The following BTBD7 variants were observed in gnomAD, a reference collection of about 807,000 sequenced individuals.
BTBD7 encodes the protein BTB/POZ domain-containing protein 7.
A neutral mutation model predicts 99.9 loss-of-function variants in BTBD7; 38 were observed. The observed-to-expected ratio is 0.38, with a 90% confidence interval of 0.29 to 0.50. The LOEUF (loss-of-function observed/expected upper bound fraction) is 0.50, where lower values mean the gene tolerates loss of function less well. Among genes scored for constraint, BTBD7 ranks in the 20% least tolerant of loss-of-function variants. BTBD7 has a pLI of 0.93. For synonymous variants in BTBD7, 520 were observed against 511.4 expected (o/e 1.02, Z -0.23); for missense variants, 1,170 against 1,394.6 (o/e 0.84, Z 2.57).
chr14:93,330,993 T>C (rs2053396087), intron 1 of BTBD7, among the ~76,000 whole-genome samples: 1 of 152,162 alleles, frequency 6.6e-6, no homozygotes, highest in Non-Finnish European at 1.5e-5. Flanking sequence ...CCTATGAGTT[T>C]TACTGAATTC....
intron 10 of BTBD7, 83 bp from the exon 11 acceptor site, chr14:93,243,171 C>A: frequency 3.9e-6 from 5 of 1,285,022 alleles, no homozygotes; most frequent in Admixed American, 2.4e-5. Flanking sequence ...TTTTGTTTCC[C>A]AATTATAAAA....
chr14:93,313,371 T>C (rs2053160298), intron 1 of BTBD7, among the ~76,000 whole-genome samples: 1 of 152,224 alleles, frequency 6.6e-6, no homozygotes. Context: ...TTACTGCAAA[T>C]GAAGATTAGT....
intron 3 of BTBD7, among the ~76,000 whole-genome samples, chr14:93,271,381 C>A (rs1458063700): frequency 6.6e-6 from 1 of 151,926 alleles, no homozygotes; most frequent in Non-Finnish European, 1.5e-5. Flanking sequence ...AGGAAACAGG[C>A]AAGGGGGAAA....
rs755055327 is a variant in BTBD7 at position 93,242,909 on chromosome 14, GT to G, written c.2762del (p.His921ProfsTer9). On this transcript the variant is annotated frameshift_variant, in exon 11 of 11. Coordinates refer to ENST00000334746, the MANE Select transcript of BTBD7 (RefSeq NM_001002860.4). LOFTEE classifies it high-confidence loss of function. ...HLSCIPQRHT[H>X]TSRKKHTLEQ... ...CTAGTGTGTGTTTTTTCCGAGAAGTGTGTGTATGTCTCTGTGGAATACACGA... is the reference window on the plus strand; with the variant it reads ...CTAGTGTGTGTTTTTTCCGAGAAGTGGTGTATGTCTCTGTGGAATACACGA... 23 of 1,614,028 alleles carry G rather than the reference GT, an allele frequency of 1.4e-5. No homozygotes were observed. Among genetic ancestry groups the G allele is most frequent in the Non-Finnish European group, 1.9e-5 (23 of 1,180,050 alleles).
intron 3 of BTBD7, among the ~76,000 whole-genome samples, chr14:93,279,289 C>A (rs968801103): frequency 6.6e-6 from 1 of 152,178 alleles, no homozygotes; most frequent in Admixed American, 6.5e-5. Context: ...ACCCCAGCAT[C>A]TCCAGCCAAA....
intron 3 of BTBD7, among the ~76,000 whole-genome samples, chr14:93,289,355 A>G (rs1460237802): frequency 6.6e-6 from 1 of 152,230 alleles, no homozygotes; most frequent in African/African-American, 2.4e-5. Flanking sequence ...ATTCAGACTT[A>G]AAATCAACTC....
At chr14:93,322,352 C>T (rs1385831855) in intron 1 of BTBD7, among the ~76,000 whole-genome samples, 2 of 152,080 alleles carry the variant, frequency 1.3e-5, no homozygotes, top group Non-Finnish European at 2.9e-5. Context: ...TTCCAGGACT[C>T]AAGTGATCCT....
At chr14:93,262,444 T>C (rs930516613) in intron 4 of BTBD7, among the ~76,000 whole-genome samples, 1 of 152,164 alleles carries the variant, frequency 6.6e-6, no homozygotes, top group Non-Finnish European at 1.5e-5. Flanking sequence ...TCCCACCTGT[T>C]GCCAAGGCTG....
intron 3 of BTBD7, chr14:93,288,309 CTA>C (rs888232935): frequency 2.2e-5 from 13 of 590,086 alleles, no homozygotes; most frequent in Non-Finnish European, 3.9e-5. Context: ...GATGAATACT[CTA>C]GTTTTATTTG....
At chr14:93,309,321 T>G (rs1268645131) in intron 1 of BTBD7, among the ~76,000 whole-genome samples, 3 of 150,610 alleles carry the variant, frequency 2.0e-5, no homozygotes, top group Non-Finnish European at 4.4e-5. Context: ...ATGGGCCAGG[T>G]GCAGTAGCTC....
intron 10 of BTBD7, among the ~76,000 whole-genome samples, chr14:93,243,700 T>C (rs1373807355): frequency 6.6e-6 from 1 of 152,234 alleles, no homozygotes; most frequent in Non-Finnish European, 1.5e-5. Context: ...GACGTTCTAC[T>C]GCATCAATGA....
intron 1 of BTBD7, among the ~76,000 whole-genome samples, chr14:93,298,052 TTTTG>T (rs2052951059): frequency 6.6e-6 from 1 of 152,100 alleles, no homozygotes; most frequent in Admixed American, 6.6e-5. Context: ...TATTTCTTTT[TTTTG>T]TTTGTTTTGC....
intron 1 of BTBD7, among the ~76,000 whole-genome samples, chr14:93,326,572 C>G (rs980232652): frequency 8.6e-5 from 13 of 151,986 alleles, no homozygotes; most frequent in Non-Finnish European, 4.4e-5. Flanking sequence ...GAGGCTGAGG[C>G]GGGTGGGTCA....
chr14:93,251,411 A>T, intron 8 of BTBD7, 52 bp downstream of exon 8: 1 of 1,495,198 alleles, frequency 6.7e-7, no homozygotes. Flanking sequence ...AGCAATTTCA[A>T]AAAAACAATA....
At chr14:93,275,707 G>A (rs1430175954) in intron 3 of BTBD7, among the ~76,000 whole-genome samples, 1 of 152,168 alleles carries the variant, frequency 6.6e-6, no homozygotes, top group African/African-American at 2.4e-5. Context: ...TCTGTACAGT[G>A]TGTCACTGTA....
At chr14:93,268,196 C>T (rs2052561805) in intron 3 of BTBD7, among the ~76,000 whole-genome samples, 1 of 146,452 alleles carries the variant, frequency 6.8e-6, no homozygotes, top group Non-Finnish European at 1.5e-5. Context: ...CTTAACTCCT[C>T]TGCATCTTTA....
chr14:93,327,933 G>T (rs942808249), intron 1 of BTBD7, among the ~76,000 whole-genome samples: 1 of 152,058 alleles, frequency 6.6e-6, no homozygotes, highest in African/African-American at 2.4e-5. Context: ...AAAGTTGTAG[G>T]ATACAAAATT....
intron 3 of BTBD7, among the ~76,000 whole-genome samples, chr14:93,282,744 G>A (rs775598761): frequency 1.3e-4 from 20 of 152,030 alleles, no homozygotes; most frequent in Non-Finnish European, 2.5e-4. Context: ...TCCCTCTTTA[G>A]TCAGTAATGC....
In BTBD7 at chr14:93,323,583, T is replaced by G. The variant is rs139873027; in HGVS notation, c.-107+9237A>C. Among the ~76,000 whole-genome samples, 3 of 152,342 alleles carry G rather than the reference T, an allele frequency of 2.0e-5. No individual in the cohort carries two copies. In the East Asian group the frequency reaches 5.8e-4, roughly 29 times the overall value. ...CAAGAATAGGTCTCATGAAGCATAT[T>G]ATAGAATTTTTCTCTAAAGAATAAT... On this transcript the variant is annotated intron_variant, in intron 1 of 10. Transcript: ENST00000334746.
Sources: gnomAD v4.1 joint callset for allele counts (sites outside exome capture counted in the v4.1 genomes callset) on GRCh38, gnomAD v4.1.1 for gene constraint, MANE v1.5 for transcripts, NCBI Gene and HGNC (gene_info 2026-07-23, HGNC 2026-07-21) for gene names.